MAP7: variants seen among roughly 807,000 people sequenced by gnomAD.
MAP7 encodes microtubule associated protein 7.
MAP7 carries 52 observed loss-of-function variants against 94.8 expected under a neutral mutation model. The observed-to-expected ratio is 0.55, with a 90% CI of 0.44 to 0.69. The LOEUF is 0.69. Among genes scored for constraint, MAP7 ranks in the 30% least tolerant of loss-of-function variants. The probability of loss-of-function intolerance (pLI) is 0.00; values close to 1 mark genes in which losing one functional copy is unlikely to be tolerated. For synonymous variants in MAP7, 350 were observed against 357.0 expected, an observed-to-expected ratio of 0.98 and a Z score of 0.22; for missense variants, 940 against 964.6, an observed-to-expected ratio of 0.97 and a Z score of 0.34.
rs914123425 is a variant in MAP7 at position 136,372,574 on chromosome 6, G to C, written c.803C>G (p.Ser268Trp). 1.2e-5 allele frequency: 20 copies of C among 1,614,016 alleles called. No individual in the cohort carries two copies. Among genetic ancestry groups the C allele is most frequent in the Non-Finnish European group, 1.6e-5 (19 of 1,180,018 alleles). ...MPYKAAHSRN[S>W]MDRPKLFVTP... ...TACAAAGAGTTTTGGTCGATCCATC[G>C]AATTTCTAGAGTGTGCAGCTTTGTA... is the stretch of plus-strand genomic sequence containing the variant. The change falls in exon 8 of 18, where the codon TCG becomes TGG. Residue 268 changes from serine to tryptophan, a missense_variant. By Grantham distance (177) the Ser-to-Trp change is radical (BLOSUM62 -3). Coordinates refer to ENST00000354570, the MANE Select transcript of MAP7 (RefSeq NM_003980.6).
At chr6:136,513,673 T>G (rs1823911692) in intron 1 of MAP7, among the ~76,000 whole-genome samples, 1 of 152,166 alleles carries the variant, frequency 6.6e-6, no homozygotes, top group Admixed American at 6.5e-5. Flanking sequence ...GAGTATACCC[T>G]GAGAATGACC....
intron 3 of MAP7, among the ~76,000 whole-genome samples, chr6:136,401,102 A>G (rs1241977169): frequency 6.6e-6 from 1 of 152,186 alleles, no homozygotes; most frequent in Non-Finnish European, 1.5e-5. Flanking sequence ...TAATCCTAAC[A>G]CTTTGGGAGG....
chr6:136,376,801 T>G (rs1486021385), intron 7 of MAP7, among the ~76,000 whole-genome samples: 1 of 152,226 alleles, frequency 6.6e-6, no homozygotes, highest in Non-Finnish European at 1.5e-5. Context: ...GATTTAGGAC[T>G]GAGATTTATT....
chr6:136,419,127 C>T (rs1790449284), intron 2 of MAP7, among the ~76,000 whole-genome samples: 1 of 152,154 alleles, frequency 6.6e-6, no homozygotes, highest in Non-Finnish European at 1.5e-5. Flanking sequence ...TGCAATCTCT[C>T]GTCACACTGG....
chr6:136,549,897 A>G (rs1012614795), intron 1 of MAP7, among the ~76,000 whole-genome samples: 1 of 152,156 alleles, frequency 6.6e-6, no homozygotes, highest in Non-Finnish European at 1.5e-5. Flanking sequence ...GCGACCAGGG[A>G]AGGCGGGAGG....
At chr6:136,524,712 A>G (rs1827351109) in intron 1 of MAP7, among the ~76,000 whole-genome samples, 1 of 152,256 alleles carries the variant, frequency 6.6e-6, no homozygotes, top group African/African-American at 2.4e-5. Context: ...TATATTTAAG[A>G]AAAGCAAAGT....
Position 136,361,158 on chromosome 6 carries a change from A to G in MAP7, c.1548T>C (p.Ala516=), listed in dbSNP as rs770812180. 6.2e-7 allele frequency: 1 copy of G among 1,604,018 alleles called. No homozygotes were observed. The highest frequency in any genetic ancestry group is 8.5e-7 in the Non-Finnish European group (1 of 1,179,954). ...TCGTCCTCTCTTCAGCCACACGTTG[A>G]GCCAATTCCTCTCTCTTTTGTCTGG... is the stretch of plus-strand genomic sequence containing the variant. ...ELERQKREEL[A]QRVAEERTTR... is the part of the protein sequence containing the mutation. Residue 516 remains alanine, a synonymous_variant, in exon 12 of 18, where the codon GCT becomes GCC. Transcript: ENST00000354570.
At chr6:136,360,914 G>T in intron 12 of MAP7, 91 bp downstream of exon 12, 2 of 1,543,926 alleles carry the variant, frequency 1.3e-6, no homozygotes, top group Admixed American at 1.8e-5. Flanking sequence ...GAAAGCGGGA[G>T]CACCAGCAGT....
Position 136,366,309 on chromosome 6 carries a change from C to T in MAP7, c.989+18G>A. The T allele has an allele frequency of 6.3e-7, 1 of 1,584,686 alleles. No individual in the cohort carries two copies. The highest frequency in any genetic ancestry group is 8.7e-7 in the Non-Finnish European group (1 of 1,153,278). On this transcript the variant is annotated intron_variant, in intron 9 of 17. Coordinates refer to ENST00000354570, the MANE Select transcript of MAP7 (RefSeq NM_003980.6). ...TCTAACATGAAACAACCCAGCCAGC[C>T]ACTTATATTTCACTTACCAAAGTCG...
intron 1 of MAP7, among the ~76,000 whole-genome samples, chr6:136,487,001 A>C (rs150502553): frequency 3.2e-4 from 49 of 152,370 alleles, no homozygotes; most frequent in African/African-American, 1.0e-3. Flanking sequence ...ACAAGTATAC[A>C]AAATATGTAA....
At chr6:136,532,052 C>T (rs546909851) in intron 1 of MAP7, among the ~76,000 whole-genome samples, 13 of 152,158 alleles carry the variant, frequency 8.5e-5, no homozygotes, top group African/African-American at 3.1e-4. Flanking sequence ...TAAGAATAAA[C>T]AGGAACATAT....
intron 1 of MAP7, among the ~76,000 whole-genome samples, chr6:136,445,424 C>A (rs952133105): frequency 1.3e-5 from 2 of 152,206 alleles, no homozygotes; most frequent in African/African-American, 4.8e-5. Flanking sequence ...AATTTCTTCA[C>A]AAATTTATTA....
chr6:136,484,686 G>A (rs1429101301), intron 1 of MAP7, among the ~76,000 whole-genome samples: 1 of 152,058 alleles, frequency 6.6e-6, no homozygotes, highest in Non-Finnish European at 1.5e-5. Flanking sequence ...ATCTTAAACT[G>A]TGAATCAAAA....
chr6:136,427,452 T>C (rs1230353799), intron 1 of MAP7, among the ~76,000 whole-genome samples: 1 of 152,212 alleles, frequency 6.6e-6, no homozygotes. Flanking sequence ...TCATGGCAAT[T>C]TAAGTAACTG....
chr6:136,542,045 C>A (rs112361682), intron 1 of MAP7, among the ~76,000 whole-genome samples: 5 of 152,112 alleles, frequency 3.3e-5, no homozygotes, highest in South Asian at 4.2e-4. Context: ...GGCAACACAG[C>A]GAGACTCTGT....
intron 17 of MAP7, among the ~76,000 whole-genome samples, chr6:136,344,464 C>A (rs985521172): frequency 6.6e-6 from 1 of 151,994 alleles, no homozygotes. Flanking sequence ...AGGCCACAGC[C>A]TTCATTTTTC....
chr6:136,403,461 C>A (rs1784739145), intron 3 of MAP7, among the ~76,000 whole-genome samples: 1 of 152,218 alleles, frequency 6.6e-6, no homozygotes, highest in Admixed American at 6.5e-5. Context: ...AGTTGGCATT[C>A]AAACTCTGGA....
chr6:136,523,995 C>T (rs1231893697), intron 1 of MAP7, among the ~76,000 whole-genome samples: 5 of 152,088 alleles, frequency 3.3e-5, no homozygotes, highest in Non-Finnish European at 7.3e-5. Context: ...AATCCCAGCA[C>T]TTTGGGAGGC....
At chr6:136,456,124 G>A (rs1401733756) in intron 1 of MAP7, among the ~76,000 whole-genome samples, 1 of 152,134 alleles carries the variant, frequency 6.6e-6, no homozygotes, top group East Asian at 1.9e-4. Flanking sequence ...TCATAGCTGT[G>A]TGCTCCCAAG....
Sources: allele counts gnomAD v4.1 joint callset (sites outside exome capture counted in the v4.1 genomes callset), GRCh38; gene constraint gnomAD v4.1.1; transcripts MANE v1.5; gene names NCBI Gene and HGNC (gene_info 2026-07-23, HGNC 2026-07-21).